The following MYO6 variants were observed in gnomAD, a reference collection of about 807,000 sequenced individuals.
MYO6 encodes myosin VI.
A neutral mutation model predicts 178.7 loss-of-function variants in MYO6; 74 were observed. The ratio of observed to expected loss-of-function variants is 0.41; its 90% confidence interval spans 0.34 to 0.50. The LOEUF is 0.50. Ranked by LOEUF, MYO6 falls within the 20% of genes least tolerant of loss-of-function variation. MYO6 has a pLI of 0.09. For synonymous variants in MYO6, 477 were observed against 504.6 expected (o/e 0.95, Z 0.73); for missense variants, 1,330 against 1,547.4 (o/e 0.86, Z 2.36).
intron 25 of MYO6, 50 bp downstream of exon 25, chr6:75,887,044 A>G (rs1583366639): frequency 2.6e-6 from 4 of 1,536,738 alleles, no homozygotes; most frequent in Non-Finnish European, 3.6e-6. Context: ...AATTTAATAT[A>G]TTTTGTTATT....
rs544300895 is a variant in MYO6, at chr6:75,768,295, CAA to C, written c.-48+18875_-48+18876del. 160 of 151,800 alleles carry C rather than the reference CAA, an allele frequency of 1.1e-3. 1 individual carries two copies. The highest frequency in any genetic ancestry group is 3.2e-3 in the African/African-American group (131 of 41,508). 9.4% of individuals were successfully genotyped at this position (151,800 alleles called of 1,614,324 possible). A position where few individuals can be genotyped will look rare whatever the true frequency, so the allele number is the denominator to read the frequency against. ...AAATACAAGATTTTAAAAAATTTCACAAAAGAGTTTTCCTCCAAGTGTAAATA... is the reference window on the plus strand; with the variant it reads ...AAATACAAGATTTTAAAAAATTTCACAAGAGTTTTCCTCCAAGTGTAAATA... On this transcript the variant is annotated intron_variant, in intron 1 of 34. Transcript: ENST00000369977.
At position 75,915,004 on chromosome 6, in the gene MYO6, T is replaced by C. The variant is rs1489758331; in HGVS notation, c.3850T>C (p.Leu1284=). The change falls in exon 35 of 35, where the codon TTA becomes CTA. Residue 1284 remains leucine (L), a synonymous_variant. Transcript: ENST00000369977. The part of the protein sequence containing the change: ...TYATAMLQSL[L]K ...TGCAACAGCCATGCTGCAGAGTCTG[T>C]TAAAGTAGATGTTGCACACCAGCCT... 2 of 1,612,182 alleles carry C rather than the reference T, an allele frequency of 1.2e-6. No individual in the cohort carries two copies. Among genetic ancestry groups the C allele is most frequent in the African/African-American group, 2.7e-5 (2 of 74,876 alleles).
In MYO6 at chr6:75,757,972, C is replaced by CTTTTTTTTTTTT. The variant is rs71002761; in HGVS notation, c.-48+8561_-48+8572dup. On this transcript the variant is annotated intron_variant, in intron 1 of 34. Transcript: ENST00000369977. ...GATTTGGTTGGAATCTTGAAGTTGG[C>CTTTTTTTTTTTT]TTTTTTTTTTTTTTTTTTTTTTTGA... Among the ~76,000 whole-genome samples, 3 of 74,312 alleles carry CTTTTTTTTTTTT rather than the reference C, an allele frequency of 4.0e-5. 1 individual carries two copies. Among genetic ancestry groups the CTTTTTTTTTTTT allele is most frequent in the Non-Finnish European group, 2.3e-5 (1 of 42,750 alleles). 48.8% of individuals were successfully genotyped at this position (74,312 alleles called of 152,430 possible).
rs1290126676 is a variant in MYO6 at position 75,866,969 on chromosome 6, T to C, written c.1808T>C (p.Met603Thr). Residue 603 changes from methionine (M) to threonine (T), a missense_variant, in exon 18 of 35, where the codon ATG becomes ACG. This residue lies in a region of MYO6 where 613 missense variants were observed against 816.8 expected (regional missense o/e 0.75). Transcript: ENST00000369977. ...GAGAAAAATAATGATGCTTTACATATGTCTCTTGAATCCTTAATATGTGAA... is the reference window on the plus strand; with the variant it reads ...GAGAAAAATAATGATGCTTTACATACGTCTCTTGAATCCTTAATATGTGAA... Reference protein sequence around the residue: ...FVEKNNDALHMSLESLICESR... With the variant: ...FVEKNNDALHTSLESLICESR... The C allele has an allele frequency of 1.9e-6, 3 of 1,614,026 alleles. No homozygotes were observed. The highest frequency in any genetic ancestry group is 4.5e-5 in the East Asian group (2 of 44,868).
At chr6:75,768,596 G>C (rs1778651137) in intron 1 of MYO6, among the ~76,000 whole-genome samples, 1 of 151,900 alleles carries the variant, frequency 6.6e-6, no homozygotes, top group South Asian at 2.1e-4. Context: ...TGGCCAGGTT[G>C]GTCTCAAACT....
chr6:75,840,542 C>A, intron 7 of MYO6, 43 bp from the exon 8 acceptor site: 1 of 1,292,106 alleles, frequency 7.7e-7, no homozygotes, highest in Non-Finnish European at 1.1e-6. Flanking sequence ...TTGTAATGTT[C>A]CGTCATGCTA....
At position 75,917,730 on chromosome 6, in the gene MYO6, CAGT is replaced by C. The variant is rs760162424; in HGVS notation, c.*2719_*2721del. 5 of 152,588 alleles carry C rather than the reference CAGT, an allele frequency of 3.3e-5. No homozygotes were observed. Among genetic ancestry groups the C allele is most frequent in the African/African-American group, 7.2e-5 (3 of 41,456 alleles). 9.5% of individuals were successfully genotyped at this position (152,588 alleles called of 1,614,324 possible). A position where few individuals can be genotyped will look rare whatever the true frequency, so the allele number is the denominator to read the frequency against. On this transcript the variant is annotated 3_prime_UTR_variant, in exon 35 of 35. Transcript: ENST00000369977. ...GGAAAGAACATCTTAAGTGGAAAATCAGTGGTGGTTGTGAACACTTAGAGAATA... is the reference window on the plus strand; with the variant it reads ...GGAAAGAACATCTTAAGTGGAAAATCGGTGGTTGTGAACACTTAGAGAATA...
intron 26 of MYO6, among the ~76,000 whole-genome samples, chr6:75,891,011 A>C (rs1342354989): frequency 6.6e-6 from 1 of 152,196 alleles, no homozygotes; most frequent in East Asian, 1.9e-4. Context: ...AGAGATGTTA[A>C]AAGTTATAGA....
intron 10 of MYO6, among the ~76,000 whole-genome samples, chr6:75,845,563 G>C (rs776097935): frequency 6.6e-6 from 1 of 152,004 alleles, no homozygotes; most frequent in Non-Finnish European, 1.5e-5. Context: ...GTGAGGTCGT[G>C]TATGCCTATA....
In MYO6 at chr6:75,798,748, G is replaced by C. The variant is rs1377987392; in HGVS notation, c.-47-18753G>C. Among the ~76,000 whole-genome samples, 5 of 152,156 alleles carry C rather than the reference G, an allele frequency of 3.3e-5. No homozygotes were observed. The South Asian group carries it at 1.0e-3, about 31-fold the overall frequency. ...TACTCACACCACTCTTATTCTGGAA[G>C]TCCTAGCCAGAGCAGTCAGGCAAGA... On this transcript the variant is annotated intron_variant, in intron 1 of 34. Transcript: ENST00000369977.
At chr6:75,806,124 A>G (rs1207238122) in intron 1 of MYO6, among the ~76,000 whole-genome samples, 1 of 152,204 alleles carries the variant, frequency 6.6e-6, no homozygotes, top group East Asian at 1.9e-4. Flanking sequence ...TTAAATGAAG[A>G]CATTAAAAAA....
intron 1 of MYO6, among the ~76,000 whole-genome samples, chr6:75,790,807 T>C (rs1175109913): frequency 6.6e-6 from 1 of 152,232 alleles, no homozygotes; most frequent in African/African-American, 2.4e-5. Context: ...ATAATTGGTG[T>C]ATAAGTTTCT....
chr6:75,839,134 C>T (rs1773950084), intron 7 of MYO6, among the ~76,000 whole-genome samples: 1 of 152,048 alleles, frequency 6.6e-6, no homozygotes, highest in Non-Finnish European at 1.5e-5. Flanking sequence ...GAGAAATCTG[C>T]TTGAAAAGGC....
rs561030897 is a variant in MYO6, at chr6:75,778,138, C to T, written c.-48+28715C>T. Reference sequence around the variant, plus strand: ...CCCTCCTGAGTAGCTGGATTACAGACGTACATCATCACACCCAATGAATAT... The same window carrying T: ...CCCTCCTGAGTAGCTGGATTACAGATGTACATCATCACACCCAATGAATAT... On this transcript the variant is annotated intron_variant, in intron 1 of 34. Transcript: ENST00000369977. Among the ~76,000 whole-genome samples, 42 of 152,132 alleles carry T rather than the reference C, an allele frequency of 2.8e-4. 1 individual carries two copies. The highest frequency in any genetic ancestry group is 2.1e-3 in the Admixed American group (32 of 15,280).
intron 19 of MYO6, 56 bp downstream of exon 19, chr6:75,870,741 G>A: frequency 7.1e-7 from 1 of 1,400,668 alleles, no homozygotes. Context: ...ACTATTATTA[G>A]TAATTATGCA....
At chr6:75,817,001 C>T (rs1771321716) in intron 1 of MYO6, among the ~76,000 whole-genome samples, 1 of 152,124 alleles carries the variant, frequency 6.6e-6, no homozygotes, top group South Asian at 2.1e-4. Flanking sequence ...TCTGCTTGGC[C>T]TCATCTAAAA....
In MYO6 at chr6:75,862,582, A is replaced by AT. The variant is rs767762409; in HGVS notation, c.1547-8dup. The AT allele has an allele frequency of 6.2e-7, 1 of 1,607,910 alleles. No individual in the cohort carries two copies. The highest frequency in any genetic ancestry group is 8.5e-7 in the Non-Finnish European group (1 of 1,174,538). On this transcript the variant is annotated splice_polypyrimidine_tract_variant and intron_variant, in intron 15 of 34. Transcript: ENST00000369977. ...TTTTTACACTATTGTGAGTGTTTTC[A>AT]TTTTTTGAAATAGATTTAATTGAAG...
At chr6:75,750,246 C>G (rs868457840) in intron 1 of MYO6, among the ~76,000 whole-genome samples, 29 of 152,072 alleles carry the variant, frequency 1.9e-4, no homozygotes, top group Admixed American at 6.5e-4. Context: ...AAGCGCCCAC[C>G]ACCACGCCTG....
chr6:75,841,107 C>G (rs1406423048), intron 8 of MYO6, 107 bp from the exon 9 acceptor site: 5 of 1,110,146 alleles, frequency 4.5e-6, no homozygotes, highest in Non-Finnish European at 5.2e-6. Context: ...ATTATAACCT[C>G]TTTGATAGAC....
Sources: allele counts gnomAD v4.1 joint callset (sites outside exome capture counted in the v4.1 genomes callset), GRCh38; gene constraint gnomAD v4.1.1; regional missense constraint gnomAD v4.1.1; transcripts MANE v1.5; gene names NCBI Gene and HGNC (gene_info 2026-07-23, HGNC 2026-07-21).